SGK3: variants seen among roughly 807,000 people sequenced by gnomAD.
SGK3 encodes the protein serine/threonine-protein kinase Sgk3.
SGK3 carries 47 observed loss-of-function variants against 68.5 expected under a neutral mutation model. The observed-to-expected ratio is 0.69, with a 90% CI of 0.54 to 0.87. The LOEUF is 0.87. Ranked by LOEUF, SGK3 falls within the 40% of genes least tolerant of loss-of-function variation. The probability of loss-of-function intolerance (pLI) is 0.00; values close to 1 mark genes in which losing one functional copy is unlikely to be tolerated. For missense variants in SGK3, 479 were observed against 575.5 expected (o/e 0.83, Z 1.72); for synonymous variants, 181 against 189.1 (o/e 0.96, Z 0.35).
intron 6 of SGK3, among the ~76,000 whole-genome samples, chr8:66,827,502 G>A (rs1809113370): frequency 6.7e-6 from 1 of 150,094 alleles, no homozygotes; most frequent in Non-Finnish European, 1.5e-5. Context: ...ACTAGTAAAA[G>A]TATACATATT....
At chr8:66,727,524 C>A (rs903929901) in intron 1 of SGK3, among the ~76,000 whole-genome samples, 1 of 152,152 alleles carries the variant, frequency 6.6e-6, no homozygotes, top group Non-Finnish European at 1.5e-5. Context: ...AACTTAATCC[C>A]CAATACAACA....
chr8:66,787,774 A>G (rs1340272536), intron 1 of SGK3, among the ~76,000 whole-genome samples: 1 of 152,194 alleles, frequency 6.6e-6, no homozygotes, highest in African/African-American at 2.4e-5. Context: ...TGCTGTAGTG[A>G]AAGGTTCATA....
chr8:66,803,792 G>A (rs1279164813), intron 3 of SGK3, among the ~76,000 whole-genome samples: 1 of 151,762 alleles, frequency 6.6e-6, no homozygotes, highest in East Asian at 1.9e-4. Flanking sequence ...GAGTAGCTGG[G>A]ACCACAGGCA....
chr8:66,732,703 G>A (rs1805200871), intron 1 of SGK3, among the ~76,000 whole-genome samples: 1 of 151,944 alleles, frequency 6.6e-6, no homozygotes, highest in South Asian at 2.1e-4. Flanking sequence ...AAATTAGCTG[G>A]GCATGGTGGT....
At chr8:66,779,599 T>TAA (rs1287163237) in intron 1 of SGK3, among the ~76,000 whole-genome samples, 3 of 106,208 alleles carry the variant, frequency 2.8e-5, no homozygotes, top group Non-Finnish European at 5.5e-5. Context: ...TATATATATA[T>TAA]ATAAAACACA....
At position 66,757,688 on chromosome 8, in the gene SGK3, A is replaced by C. The variant is rs181707147; in HGVS notation, c.-121-35928A>C. Among the ~76,000 whole-genome samples the C allele has an allele frequency of 4.3e-3, 644 of 149,676 alleles. 7 individuals are homozygous for C. Among genetic ancestry groups the C allele is most frequent in the African/African-American group, 0.015 (605 of 40,762 alleles). On this transcript the variant is annotated intron_variant, in intron 1 of 16. Transcript: ENST00000521198. The stretch of plus-strand genomic sequence containing the variant: ...CCAGCACTTTGGGGGGCTGAGGTGG[A>C]GAGATCACTTGAGGTCAGGAGTTTG...
At chr8:66,747,505 A>G (rs1467226231) in intron 1 of SGK3, among the ~76,000 whole-genome samples, 1 of 152,178 alleles carries the variant, frequency 6.6e-6, no homozygotes, top group African/African-American at 2.4e-5. Context: ...GTATGGTGCC[A>G]TATTATGAAA....
intron 1 of SGK3, among the ~76,000 whole-genome samples, chr8:66,772,404 T>G (rs1455593353): frequency 6.7e-6 from 1 of 149,534 alleles, no homozygotes; most frequent in Non-Finnish European, 1.5e-5. Flanking sequence ...ATATTCTTTT[T>G]TTTTTTTTGA....
chr8:66,782,341 C>CT (rs895554381), intron 1 of SGK3, among the ~76,000 whole-genome samples: 19 of 146,840 alleles, frequency 1.3e-4, no homozygotes, highest in East Asian at 9.9e-4. Context: ...TTTTTTTAGA[C>CT]TTTTTTTTTT....
intron 8 of SGK3, among the ~76,000 whole-genome samples, chr8:66,833,206 A>G (rs970256894): frequency 6.6e-6 from 1 of 152,026 alleles, no homozygotes; most frequent in Non-Finnish European, 1.5e-5. Context: ...GGGTTTTACC[A>G]TGTTGGCCAG....
intron 16 of SGK3, among the ~76,000 whole-genome samples, chr8:66,853,313 G>C (rs1810368784): frequency 6.6e-6 from 1 of 152,178 alleles, no homozygotes; most frequent in South Asian, 2.1e-4. Context: ...GGCATTCAGT[G>C]TTGTGGAATT....
intron 1 of SGK3, among the ~76,000 whole-genome samples, chr8:66,733,314 GTGT>G (rs1439719868): frequency 4.6e-5 from 7 of 152,244 alleles, no homozygotes; most frequent in Non-Finnish European, 1.0e-4. Flanking sequence ...TGAGAATGAA[GTGT>G]TGTTGAAATA....
intron 1 of SGK3, among the ~76,000 whole-genome samples, chr8:66,716,380 G>A (rs1344144464): frequency 6.6e-6 from 1 of 152,154 alleles, no homozygotes; most frequent in African/African-American, 2.4e-5. Context: ...AATTGTATTG[G>A]CTGTCTGAAG....
chr8:66,854,714 C>G (rs1205670558), intron 16 of SGK3, among the ~76,000 whole-genome samples: 1 of 152,042 alleles, frequency 6.6e-6, no homozygotes, highest in Non-Finnish European at 1.5e-5. Context: ...ATATTAGTAC[C>G]AGGACATATT....
At chr8:66,729,485 C>T (rs949340897) in intron 1 of SGK3, among the ~76,000 whole-genome samples, 9 of 151,772 alleles carry the variant, frequency 5.9e-5, no homozygotes, top group Admixed American at 4.6e-4. Flanking sequence ...AAAAAAAATC[C>T]TGTTGTATGA....
At chr8:66,757,989 GTA>G (rs1204811354) in intron 1 of SGK3, among the ~76,000 whole-genome samples, 1 of 128,486 alleles carries the variant, frequency 7.8e-6, no homozygotes, top group Non-Finnish European at 1.6e-5. Flanking sequence ...CACACTATAT[GTA>G]TATATATACA....
chr8:66,832,112 T>C (rs996483724), intron 8 of SGK3, among the ~76,000 whole-genome samples: 9 of 151,972 alleles, frequency 5.9e-5, no homozygotes, highest in African/African-American at 1.7e-4. Flanking sequence ...AAGACAAAAA[T>C]GAGCAGCTGT....
At chr8:66,834,233 T>A (rs1423497601) in intron 8 of SGK3, among the ~76,000 whole-genome samples, 1 of 151,240 alleles carries the variant, frequency 6.6e-6, no homozygotes, top group Non-Finnish European at 1.5e-5. Flanking sequence ...TAACAAAATA[T>A]GAGAACTATG....
intron 10 of SGK3, among the ~76,000 whole-genome samples, chr8:66,838,559 C>T (rs1036862314): frequency 6.6e-6 from 1 of 152,118 alleles, no homozygotes; most frequent in Non-Finnish European, 1.5e-5. Flanking sequence ...GATACCACTG[C>T]GAGCTCCCTG....
Sources: allele counts gnomAD v4.1 joint callset (sites outside exome capture counted in the v4.1 genomes callset), GRCh38; gene constraint gnomAD v4.1.1; transcripts MANE v1.5; gene names NCBI Gene and HGNC (gene_info 2026-07-23, HGNC 2026-07-21).